The following ZNF385B variants were observed in gnomAD, a reference collection of about 807,000 sequenced individuals.
ZNF385B encodes the protein zinc finger protein 533.
A neutral mutation model predicts 39.2 loss-of-function variants in ZNF385B; 23 were observed. That is an observed-to-expected ratio of 0.59 (90% CI 0.42 to 0.83). The LOEUF (loss-of-function observed/expected upper bound fraction) is 0.83. Ranked by LOEUF, ZNF385B falls within the 40% of genes least tolerant of loss-of-function variation. The pLI is 0.00. For missense variants in ZNF385B, 552 were observed against 598.9 expected, an observed-to-expected ratio of 0.92 and a Z score of 0.82; for synonymous variants, 205 against 222.6, an observed-to-expected ratio of 0.92 and a Z score of 0.70.
intron 3 of ZNF385B, among the ~76,000 whole-genome samples, chr2:179,588,497 T>C (rs1558950252): frequency 6.6e-6 from 1 of 152,160 alleles, no homozygotes; most frequent in Non-Finnish European, 1.5e-5. Flanking sequence ...AGTCCTGCCA[T>C]TCCCCATGCA....
intron 4 of ZNF385B, among the ~76,000 whole-genome samples, chr2:179,522,055 G>C (rs1461403414): frequency 6.6e-6 from 1 of 152,056 alleles, no homozygotes; most frequent in Admixed American, 6.5e-5. Flanking sequence ...TAGTTGAATA[G>C]AGACTTTAAT....
chr2:179,816,327 A>T (rs1707064579), intron 1 of ZNF385B, among the ~76,000 whole-genome samples: 1 of 152,034 alleles, frequency 6.6e-6, no homozygotes, highest in African/African-American at 2.4e-5. Context: ...AGCCACAGTC[A>T]TTTCTCCTCT....
chr2:179,737,988 T>A (rs137922785), intron 3 of ZNF385B, among the ~76,000 whole-genome samples: 2 of 152,190 alleles, frequency 1.3e-5, no homozygotes, highest in Non-Finnish European at 2.9e-5. Flanking sequence ...CATGCTCATA[T>A]AATCATAGAG....
chr2:179,582,376 A>G (rs1686625336), intron 3 of ZNF385B, among the ~76,000 whole-genome samples: 1 of 152,198 alleles, frequency 6.6e-6, no homozygotes, highest in African/African-American at 2.4e-5. Flanking sequence ...ATGTTCCATT[A>G]GGAAAATTAT....
At chr2:179,694,739 G>A (rs1698592347) in intron 3 of ZNF385B, among the ~76,000 whole-genome samples, 1 of 152,086 alleles carries the variant, frequency 6.6e-6, no homozygotes, top group African/African-American at 2.4e-5. Context: ...AGACCAGCCT[G>A]GCCAACATGG....
chr2:179,779,001 CTTGCCAAGGG>C (rs1163450954), intron 1 of ZNF385B, among the ~76,000 whole-genome samples: 1 of 152,188 alleles, frequency 6.6e-6, no homozygotes. Context: ...ACAACACAGA[CTTGCCAAGGG>C]TTGAAATACA....
At chr2:179,576,433 C>A (rs1685825979) in intron 3 of ZNF385B, among the ~76,000 whole-genome samples, 1 of 152,174 alleles carries the variant, frequency 6.6e-6, no homozygotes, top group South Asian at 2.1e-4. Flanking sequence ...GCCCATGGAG[C>A]TTCACCTTCA....
chr2:179,679,592 A>T (rs1409068111), intron 3 of ZNF385B, among the ~76,000 whole-genome samples: 1 of 135,346 alleles, frequency 7.4e-6, no homozygotes, highest in African/African-American at 2.8e-5. Context: ...TTTCTTATTA[A>T]CAGCTATTAT....
intron 1 of ZNF385B, among the ~76,000 whole-genome samples, chr2:179,776,183 G>A (rs778952294): frequency 2.6e-5 from 4 of 152,240 alleles, no homozygotes; most frequent in Non-Finnish European, 2.9e-5. Flanking sequence ...TAAAGAGAAA[G>A]ATCACACCTC....
At chr2:179,737,994 T>C (rs1220402976) in intron 3 of ZNF385B, among the ~76,000 whole-genome samples, 2 of 152,194 alleles carry the variant, frequency 1.3e-5, no homozygotes, top group Non-Finnish European at 2.9e-5. Context: ...CATATAATCA[T>C]AGAGTCTGAA....
At chr2:179,521,473 T>C (rs909957934) in intron 4 of ZNF385B, among the ~76,000 whole-genome samples, 4 of 150,906 alleles carry the variant, frequency 2.7e-5, no homozygotes, top group South Asian at 2.1e-4. Flanking sequence ...GTGCTGGGAT[T>C]ACCGGTGTGA....
At chr2:179,770,005 G>T (rs573724075) in intron 2 of ZNF385B, among the ~76,000 whole-genome samples, 7 of 152,160 alleles carry the variant, frequency 4.6e-5, no homozygotes, top group African/African-American at 1.7e-4. Flanking sequence ...GGGGGTTTTT[G>T]AACAGAAGTT....
chr2:179,749,359 T>C (rs1395031189), intron 3 of ZNF385B, among the ~76,000 whole-genome samples: 1 of 152,032 alleles, frequency 6.6e-6, no homozygotes, highest in East Asian at 1.9e-4. Flanking sequence ...AAAAGTACAA[T>C]ATCCAGCCCT....
intron 3 of ZNF385B, among the ~76,000 whole-genome samples, chr2:179,649,460 T>C (rs1693016950): frequency 6.6e-6 from 1 of 152,162 alleles, no homozygotes; most frequent in Non-Finnish European, 1.5e-5. Flanking sequence ...GGTGATAGGG[T>C]AACTCACTTA....
At chr2:179,597,550 T>C (rs1326004370) in intron 3 of ZNF385B, among the ~76,000 whole-genome samples, 2 of 152,220 alleles carry the variant, frequency 1.3e-5, no homozygotes, top group African/African-American at 4.8e-5. Context: ...ATGATTTCAT[T>C]AGTCTTTCAT....
intron 1 of ZNF385B, among the ~76,000 whole-genome samples, chr2:179,781,129 G>A (rs187346645): frequency 6.6e-6 from 1 of 152,186 alleles, no homozygotes; most frequent in Admixed American, 6.5e-5. Context: ...TTTACTTTTT[G>A]GAAACTGACA....
intron 3 of ZNF385B, among the ~76,000 whole-genome samples, chr2:179,607,927 T>G (rs1165579214): frequency 1.5e-4 from 18 of 122,770 alleles, no homozygotes; most frequent in Admixed American, 1.3e-3. Context: ...TTTTTTTTTT[T>G]TTTGAGATGG....
chr2:179,727,963 T>C (rs1701126226), intron 3 of ZNF385B, among the ~76,000 whole-genome samples: 1 of 152,038 alleles, frequency 6.6e-6, no homozygotes, highest in South Asian at 2.1e-4. Context: ...ATATTGATAA[T>C]AACAAACAAT....
intron 3 of ZNF385B, among the ~76,000 whole-genome samples, chr2:179,739,522 C>T (rs1575395155): frequency 6.6e-6 from 1 of 152,142 alleles, no homozygotes; most frequent in African/African-American, 2.4e-5. Context: ...TCTTAGCTAT[C>T]GTGTTTTCAG....
Sources: gnomAD v4.1 joint callset for allele counts (sites outside exome capture counted in the v4.1 genomes callset) on GRCh38, gnomAD v4.1.1 for gene constraint, MANE v1.5 for transcripts, NCBI Gene and HGNC (gene_info 2026-07-23, HGNC 2026-07-21) for gene names.